The following UNC79 variants were observed in gnomAD, a reference collection of about 807,000 sequenced individuals.
UNC79 encodes unc-79 subunit of NALCN channel complex.
A neutral mutation model predicts 283.1 loss-of-function variants in UNC79; 37 were observed. That is an observed-to-expected ratio of 0.13 (90% CI 0.10 to 0.17). The LOEUF is 0.17. Ranked by LOEUF, UNC79 falls within the 10% of genes least tolerant of loss-of-function variation. The probability of loss-of-function intolerance (pLI) is 1.00; values close to 1 mark genes in which losing one functional copy is unlikely to be tolerated. For missense variants in UNC79, 2,272 were observed against 3,211.1 expected (o/e 0.71, Z 7.07); for synonymous variants, 1,107 against 1,200.2 (o/e 0.92, Z 1.61).
chr14:93,573,153 T>C (rs920538540), intron 16 of UNC79, among the ~76,000 whole-genome samples: 1 of 152,218 alleles, frequency 6.6e-6, no homozygotes, highest in African/African-American at 2.4e-5. Flanking sequence ...GGTCCTTTAC[T>C]TGGAAAGATG....
intron 1 of UNC79, among the ~76,000 whole-genome samples, chr14:93,354,691 G>A (rs1385271457): frequency 6.6e-6 from 1 of 152,030 alleles, no homozygotes; most frequent in Non-Finnish European, 1.5e-5. Context: ...TTGTAGGGAC[G>A]GGGTCTTGCT....
At chr14:93,704,425 T>C (rs2075733900) in intron 47 of UNC79, among the ~76,000 whole-genome samples, 200 bp from the exon 51 acceptor site, 1 of 152,216 alleles carries the variant, frequency 6.6e-6, no homozygotes, top group African/African-American at 2.4e-5. Flanking sequence ...GGGGCGCTTA[T>C]TAACCTCCAA....
intron 7 of UNC79, among the ~76,000 whole-genome samples, chr14:93,503,740 T>C (rs2059403965): frequency 6.6e-6 from 1 of 151,880 alleles, no homozygotes; most frequent in Non-Finnish European, 1.5e-5. Flanking sequence ...TGCAAATATC[T>C]TGTTTTTTTA....
intron 48 of UNC79, 123 bp downstream of exon 51, chr14:93,704,789 G>C: frequency 7.9e-7 from 1 of 1,264,272 alleles, no homozygotes; most frequent in East Asian, 2.3e-5. Flanking sequence ...CCTGGCCTTA[G>C]AGGGCTGATA....
chr14:93,365,713 A>G (rs1057335489), intron 1 of UNC79, among the ~76,000 whole-genome samples: 1 of 152,160 alleles, frequency 6.6e-6, no homozygotes, highest in Non-Finnish European at 1.5e-5. Context: ...CTTTAAGAGC[A>G]TAGAGAAAAG....
intron 1 of UNC79, among the ~76,000 whole-genome samples, chr14:93,360,180 C>T (rs2054190565): frequency 6.6e-6 from 1 of 152,130 alleles, no homozygotes; most frequent in African/African-American, 2.4e-5. Context: ...TTGCAGAACC[C>T]CCACATTGGC....
exon 4 of UNC79, chr14:93,477,558 A>C: frequency 1.3e-6 from 2 of 1,594,614 alleles, no homozygotes; most frequent in Non-Finnish European, 1.7e-6. Flanking sequence ...TGTTTTGTAG[A>C]TCTTGGACAG....
At chr14:93,381,056 G>C (rs975412620) in intron 1 of UNC79, among the ~76,000 whole-genome samples, 1 of 152,108 alleles carries the variant, frequency 6.6e-6, no homozygotes, top group Admixed American at 6.6e-5. Context: ...CATTAATTTT[G>C]TAAAAACAAA....
exon 30 of UNC79, chr14:93,622,614 C>A (rs774263217): frequency 6.2e-7 from 1 of 1,614,152 alleles, no homozygotes; most frequent in South Asian, 1.1e-5. Context: ...CCCGAAGATG[C>A]AGAGAACCCC....
At chr14:93,433,951 C>T (rs575874968) in intron 1 of UNC79, among the ~76,000 whole-genome samples, 87 of 152,286 alleles carry the variant, frequency 5.7e-4, no homozygotes, top group Middle Eastern at 3.4e-3. Flanking sequence ...CAGTGGCTCA[C>T]GCCTGTAATC....
chr14:93,412,587 T>C (rs931391611), intron 1 of UNC79, among the ~76,000 whole-genome samples: 2 of 152,044 alleles, frequency 1.3e-5, no homozygotes, highest in Non-Finnish European at 2.9e-5. Flanking sequence ...TACTGACTGT[T>C]GGGAGTTTGA....
intron 1 of UNC79, among the ~76,000 whole-genome samples, chr14:93,349,451 A>G (rs1266512868): frequency 6.6e-6 from 1 of 152,200 alleles, no homozygotes; most frequent in Non-Finnish European, 1.5e-5. Flanking sequence ...CTAGTCAAGT[A>G]CTATGGGGTT....
chr14:93,696,189 C>T (rs1047388105), intron 47 of UNC79, among the ~76,000 whole-genome samples: 1 of 152,138 alleles, frequency 6.6e-6, no homozygotes, highest in African/African-American at 2.4e-5. Context: ...GAATATACCA[C>T]ATTTTCCTTA....
chr14:93,342,839 G>C (rs2053742036), intron 1 of UNC79, among the ~76,000 whole-genome samples: 1 of 152,226 alleles, frequency 6.6e-6, no homozygotes, highest in South Asian at 2.1e-4. Context: ...CTCTAGGACA[G>C]GGGCAAAATG....
intron 47 of UNC79, among the ~76,000 whole-genome samples, chr14:93,698,460 T>A (rs1354564251): frequency 4.0e-5 from 6 of 151,326 alleles, no homozygotes; most frequent in Middle Eastern, 3.4e-3. Flanking sequence ...TTGGTAATAT[T>A]TTTAGTTTAG....
chr14:93,697,360 T>C (rs1475031650), intron 47 of UNC79, among the ~76,000 whole-genome samples: 1 of 152,128 alleles, frequency 6.6e-6, no homozygotes, highest in Non-Finnish European at 1.5e-5. Context: ...GGTCTCGAAC[T>C]CCTGACCTCA....
exon 30 of UNC79, chr14:93,622,410 C>T (rs1291987190): frequency 3.1e-6 from 5 of 1,614,168 alleles, no homozygotes; most frequent in East Asian, 2.2e-5. Context: ...GCCGAAGGAT[C>T]CTCAAAGCCA....
intron 35 of UNC79, among the ~76,000 whole-genome samples, chr14:93,652,090 A>G (rs942791304): frequency 2.0e-5 from 3 of 151,682 alleles, no homozygotes; most frequent in African/African-American, 7.3e-5. Context: ...CCTTATTGCA[A>G]TGGCTCAGAC....
At chr14:93,519,967 G>A (rs1178199733) in intron 7 of UNC79, among the ~76,000 whole-genome samples, 1 of 151,698 alleles carries the variant, frequency 6.6e-6, no homozygotes, top group Non-Finnish European at 1.5e-5. Flanking sequence ...GCCTTCTGTA[G>A]TTATTCAGCA....
Sources: gnomAD v4.1 joint callset for allele counts (sites outside exome capture counted in the v4.1 genomes callset) on GRCh38, gnomAD v4.1.1 for gene constraint, MANE v1.5 for transcripts, NCBI Gene and HGNC (gene_info 2026-07-23, HGNC 2026-07-21) for gene names.